Variants in ATXN8OS observed in about 807,000 individuals in gnomAD.
ATXN8OS encodes ATXN8 opposite strand lncRNA, also known as ATXN8 opposite strand (non-protein coding).
At chr13:70,163,117 A>G (rs778843420) in intron 4 of ATXN8OS, among the ~76,000 whole-genome samples, 2 of 152,112 alleles carry the variant, frequency 1.3e-5, no homozygotes, top group Admixed American at 6.6e-5. Context: ...TAATAACAAT[A>G]ATAGTAATTA....
At chr13:70,154,140 C>G (rs760271739) in intron 4 of ATXN8OS, among the ~76,000 whole-genome samples, 2 of 152,190 alleles carry the variant, frequency 1.3e-5, no homozygotes, top group African/African-American at 2.4e-5. Flanking sequence ...CGAGCACACA[C>G]AGTTTTATTT....
In ATXN8OS at chr13:70,139,380, A is replaced by ACTACTGCTACTACTG. The variant is rs1351934971; in HGVS notation, n.500-7967_500-7966insACTACTGCTACTGCT. On this transcript the variant is annotated intron_variant and non_coding_transcript_variant, in intron 3 of 4. Coordinates refer to ENST00000678624, the Ensembl canonical transcript of ATXN8OS. ...TACTACTACTACTACTACTACTACT[A>ACTACTGCTACTACTG]CTACTGCTGCTGCTGCTGCTGCTGC... 1.0e-5 allele frequency: 6 copies of ACTACTGCTACTACTG among 576,718 alleles called. 1 individual carries two copies. The highest frequency in any genetic ancestry group is 1.8e-5 in the Non-Finnish European group (6 of 335,948). The allele number at this position is 576,718 out of a possible 1,614,324, so 35.7% of individuals were successfully genotyped here. A position where few individuals can be genotyped will look rare whatever the true frequency, so the allele number is the denominator to read the frequency against.
At chr13:70,147,452 G>A (rs1362674049) in intron 4 of ATXN8OS, among the ~76,000 whole-genome samples, 1 of 151,986 alleles carries the variant, frequency 6.6e-6, no homozygotes. Context: ...TATATAGATG[G>A]AGCATATGTT....
intron 2 of ATXN8OS, among the ~76,000 whole-genome samples, chr13:70,117,697 T>A (rs570063058): frequency 6.6e-6 from 1 of 152,220 alleles, no homozygotes; most frequent in East Asian, 1.9e-4. Context: ...TTAATTTCTT[T>A]GAGTCTCAGC....
intron 3 of ATXN8OS, among the ~76,000 whole-genome samples, chr13:70,133,557 T>G (rs1409725780): frequency 6.6e-6 from 1 of 152,216 alleles, no homozygotes; most frequent in East Asian, 1.9e-4. Context: ...ATTAGGTCTT[T>G]GCAGATATAA....
intron 2 of ATXN8OS, among the ~76,000 whole-genome samples, chr13:70,129,377 G>C (rs930415535): frequency 1.1e-4 from 2 of 18,390 alleles, no homozygotes; most frequent in African/African-American, 5.3e-4. Context: ...GTATTTTTCT[G>C]TGTGTGTGTG....
intron 4 of ATXN8OS, among the ~76,000 whole-genome samples, chr13:70,154,289 C>G (rs1428918491): frequency 6.6e-6 from 1 of 152,180 alleles, no homozygotes; most frequent in African/African-American, 2.4e-5. Flanking sequence ...CCTTTGTTTG[C>G]TGTTAAAGCT....
At position 70,115,068 on chromosome 13, in the gene ATXN8OS, C is replaced by T. The variant is rs1002604845; in HGVS notation, n.241-73C>T. The T allele has an allele frequency of 3.8e-5, 15 of 395,260 alleles. No homozygotes were observed. The South Asian group carries it at 1.9e-3, about 51-fold the overall frequency. The allele number at this position is 395,260 out of a possible 1,614,324, so 24.5% of individuals were successfully genotyped here. Reference sequence around the variant, plus strand: ...TGTGTGCATGTGTGGGTGTGTTAGTCCCTTTTGTGCTGCTATAACAGAACA... The same window carrying T: ...TGTGTGCATGTGTGGGTGTGTTAGTTCCTTTTGTGCTGCTATAACAGAACA... On this transcript the variant is annotated intron_variant and non_coding_transcript_variant, in intron 1 of 4. Transcript: ENST00000678624.
At chr13:70,131,046 G>A (rs985307024) in intron 3 of ATXN8OS, 123 of 398,360 alleles carry the variant, frequency 3.1e-4, no homozygotes, top group Admixed American at 8.8e-5. Context: ...TTCTCAACAG[G>A]TGATTATTCT....
intron 4 of ATXN8OS, among the ~76,000 whole-genome samples, chr13:70,169,585 G>A (rs999019300): frequency 2.0e-5 from 3 of 152,118 alleles, no homozygotes; most frequent in South Asian, 2.1e-4. Flanking sequence ...GAGCCACGGC[G>A]CCCAGCCAGA....
chr13:70,147,374 GC>G, exon 4 of ATXN8OS, among the ~76,000 whole-genome samples: 1 of 152,168 alleles, frequency 6.6e-6, no homozygotes, highest in Admixed American at 6.6e-5. Context: ...TGGATAAAGT[GC>G]GAAGGAGCTT....
At chr13:70,145,061 C>G (rs2137495008) in intron 3 of ATXN8OS, among the ~76,000 whole-genome samples, 1 of 152,204 alleles carries the variant, frequency 6.6e-6, no homozygotes, top group South Asian at 2.1e-4. Context: ...TTTCAGCTTT[C>G]TACATATGTC....
chr13:70,135,241 T>G (rs1888595721), intron 3 of ATXN8OS, among the ~76,000 whole-genome samples: 1 of 152,152 alleles, frequency 6.6e-6, no homozygotes, highest in Non-Finnish European at 1.5e-5. Context: ...TTGCCCCTCC[T>G]TTTTTGGGCC....
At chr13:70,116,315 T>C (rs571220141) in intron 2 of ATXN8OS, among the ~76,000 whole-genome samples, 67 of 152,006 alleles carry the variant, frequency 4.4e-4, no homozygotes, top group Non-Finnish European at 2.4e-4. Flanking sequence ...ACAGAGAGTT[T>C]TGAAGGAAAG....
chr13:70,148,328 G>C (rs759230253), intron 4 of ATXN8OS, among the ~76,000 whole-genome samples: 5 of 152,090 alleles, frequency 3.3e-5, no homozygotes, highest in Non-Finnish European at 7.4e-5. Context: ...ATTTCCTTTA[G>C]GGCCTGTTAT....
At chr13:70,154,693 C>A (rs1399007879) in intron 4 of ATXN8OS, among the ~76,000 whole-genome samples, 1 of 152,112 alleles carries the variant, frequency 6.6e-6, no homozygotes, top group African/African-American at 2.4e-5. Context: ...CCCAGCAATC[C>A]CTCAACAAAG....
intron 2 of ATXN8OS, among the ~76,000 whole-genome samples, chr13:70,121,981 C>T (rs540764643): frequency 5.9e-5 from 9 of 152,014 alleles, no homozygotes; most frequent in African/African-American, 2.2e-4. Context: ...GATTATTAAT[C>T]TAAAGATTTA....
upstream of ATXN8OS, chr13:70,107,607 GC>G: frequency 6.3e-7 from 1 of 1,592,632 alleles, no homozygotes; most frequent in Non-Finnish European, 8.5e-7. Flanking sequence ...CCCCCGCCGG[GC>G]CGCCGGTGGA....
At chr13:70,154,276 C>T (rs1294962472) in intron 4 of ATXN8OS, among the ~76,000 whole-genome samples, 2 of 152,156 alleles carry the variant, frequency 1.3e-5, no homozygotes, top group Non-Finnish European at 2.9e-5. Context: ...ATTAAATAAA[C>T]CTCCTTTGTT....
Sources: gnomAD v4.1 joint callset for allele counts (sites outside exome capture counted in the v4.1 genomes callset) on GRCh38, gnomAD v4.1.1 for gene constraint, MANE v1.5 for transcripts, NCBI Gene and HGNC (gene_info 2026-07-23, HGNC 2026-07-21) for gene names.